ANKRD13A: variants seen among roughly 807,000 people sequenced by gnomAD.
ANKRD13A encodes ankyrin repeat domain 13A, also known as ankyrin repeat domain-containing protein 13A.
Under a neutral mutation model 81.3 loss-of-function variants are expected in ANKRD13A, and 48 were observed. The observed-to-expected ratio is 0.59, with a 90% CI of 0.47 to 0.75. The LOEUF (loss-of-function observed/expected upper bound fraction) is 0.75, where lower values mean the gene tolerates loss of function less well. Among genes scored for constraint, ANKRD13A ranks in the 30% least tolerant of loss-of-function variants. The pLI is 0.00. For missense variants in ANKRD13A, 612 were observed against 734.0 expected, an observed-to-expected ratio of 0.83 and a Z score of 1.92; for synonymous variants, 230 against 270.1, an observed-to-expected ratio of 0.85 and a Z score of 1.45.
intron 3 of ANKRD13A, among the ~76,000 whole-genome samples, chr12:110,014,789 CTTT>C (rs761398140): frequency 7.4e-6 from 1 of 135,700 alleles, no homozygotes; most frequent in Admixed American, 7.2e-5. Flanking sequence ...CATTTCTCTT[CTTT>C]TTTTTTTTTG....
chr12:110,007,648 G>A (rs1890307486), intron 1 of ANKRD13A, among the ~76,000 whole-genome samples: 2 of 152,160 alleles, frequency 1.3e-5, no homozygotes, highest in African/African-American at 2.4e-5. Context: ...CCCAAGTGCT[G>A]GGATTACAGG....
At chr12:110,001,395 C>G (rs1229716916) in intron 1 of ANKRD13A, among the ~76,000 whole-genome samples, 3 of 149,368 alleles carry the variant, frequency 2.0e-5, no homozygotes, top group African/African-American at 7.6e-5. Flanking sequence ...GTGGTTGAGC[C>G]CTCACCGAAG....
At chr12:110,007,098 G>A (rs1377492497) in intron 1 of ANKRD13A, among the ~76,000 whole-genome samples, 3 of 152,182 alleles carry the variant, frequency 2.0e-5, no homozygotes, top group African/African-American at 7.2e-5. Context: ...CTTGATTGCT[G>A]TAGCTTTGTG....
chr12:110,029,680 GT>G, intron 11 of ANKRD13A, 45 bp downstream of exon 11: 1 of 1,596,494 alleles, frequency 6.3e-7, no homozygotes, highest in Non-Finnish European at 8.6e-7. Context: ...TTCTGCCCAT[GT>G]TTGTGGGTGG....
In ANKRD13A at chr12:110,033,793, T is replaced by G. The variant is rs1475712099; in HGVS notation, c.1349-4T>G. The G allele has an allele frequency of 6.3e-7, 1 of 1,592,484 alleles. No homozygotes were observed. Among genetic ancestry groups the G allele is most frequent in the African/African-American group, 1.3e-5 (1 of 74,216 alleles). On this transcript the variant is annotated splice_region_variant and splice_polypyrimidine_tract_variant and intron_variant, in intron 12 of 14. Transcript: ENST00000261739. Reference sequence around the variant, plus strand: ...AGACACTGGACGGTTGCCTTTTGTTTCAGCTTCCCACATCACAAACTTTGA... The same window carrying G: ...AGACACTGGACGGTTGCCTTTTGTTGCAGCTTCCCACATCACAAACTTTGA...
At chr12:110,030,413 C>T (rs1446393216) in intron 11 of ANKRD13A, among the ~76,000 whole-genome samples, 2 of 152,032 alleles carry the variant, frequency 1.3e-5, no homozygotes, top group African/African-American at 4.8e-5. Context: ...GTGATCAGCT[C>T]GCCTTGGCCT....
intron 6 of ANKRD13A, among the ~76,000 whole-genome samples, chr12:110,019,833 A>C (rs1890986574): frequency 6.6e-6 from 1 of 152,192 alleles, no homozygotes; most frequent in Non-Finnish European, 1.5e-5. Context: ...TTAGAGCAAG[A>C]ATCTGGAGGG....
intron 13 of ANKRD13A, among the ~76,000 whole-genome samples, chr12:110,035,388 T>G (rs1180666232): frequency 1.3e-5 from 2 of 152,088 alleles, no homozygotes; most frequent in African/African-American, 4.8e-5. Flanking sequence ...GAGGACTGAT[T>G]GAGCCCAGGA....
At chr12:110,016,027 C>T (rs945949611) in intron 3 of ANKRD13A, among the ~76,000 whole-genome samples, 1 of 150,186 alleles carries the variant, frequency 6.7e-6, no homozygotes, top group Non-Finnish European at 1.5e-5. Flanking sequence ...TCTTGGCTCT[C>T]TGCAGCCTCC....
At position 110,033,846 on chromosome 12, in the gene ANKRD13A, C is replaced by T. The variant is rs746086710; in HGVS notation, c.1398C>T (p.Pro466=). Residue 466 remains proline, a synonymous_variant, in exon 13 of 15, where the codon CCC becomes CCT. Transcript: ENST00000261739. The part of the protein sequence containing the change: ...FEVDQSVFEI[P]ESYYVQDNGR... ...TTGATCAATCTGTGTTTGAAATTCCCGAATCTTACTATGTTCAAGACAATG... is the reference window on the plus strand; with the variant it reads ...TTGATCAATCTGTGTTTGAAATTCCTGAATCTTACTATGTTCAAGACAATG... The T allele has an allele frequency of 5.6e-6, 9 of 1,609,922 alleles. No individual in the cohort carries two copies. Among genetic ancestry groups the T allele is most frequent in the Admixed American group, 1.7e-5 (1 of 59,348 alleles).
intron 3 of ANKRD13A, 124 bp from the exon 4 acceptor site, chr12:110,016,264 T>C: frequency 1.4e-6 from 1 of 737,564 alleles, no homozygotes; most frequent in Non-Finnish European, 2.0e-6. Flanking sequence ...TTACATTTTA[T>C]TTCTTCTTAT....
rs1461617026 is a variant in ANKRD13A at position 110,039,327 on chromosome 12, A to T, written c.*1773A>T. On this transcript the variant is annotated 3_prime_UTR_variant, in exon 15 of 15. Coordinates refer to ENST00000261739, the MANE Select transcript of ANKRD13A (RefSeq NM_033121.2). ...TGACTTTCTCCCCAGGAATTCACTT[A>T]AAAAGGGACTGAGCATTGTGTCAAC... 6.6e-6 allele frequency: 1 copy of T among 152,212 alleles called. No individual in the cohort carries two copies. Among genetic ancestry groups the T allele is most frequent in the Non-Finnish European group, 1.5e-5 (1 of 68,032 alleles). The allele number at this position is 152,212 out of a possible 1,614,324, so 9.4% of individuals were successfully genotyped here. A position where few individuals can be genotyped will look rare whatever the true frequency, so the allele number is the denominator to read the frequency against.
At position 110,018,369 on chromosome 12, in the gene ANKRD13A, C is replaced by T; in HGVS notation, c.425C>T (p.Pro142Leu). 1.9e-6 allele frequency: 3 copies of T among 1,614,004 alleles called. No individual in the cohort carries two copies. The highest frequency in any genetic ancestry group is 2.5e-6 in the Non-Finnish European group (3 of 1,179,974). The change falls in exon 5 of 15, where the codon CCA (proline) becomes CTA (leucine). Residue 142 changes from proline (P) to leucine (L), a missense_variant. Coordinates refer to ENST00000261739, the MANE Select transcript of ANKRD13A (RefSeq NM_033121.2). This position sits in a 1 kb window ranked among gnomAD's most constrained non-coding sequence, Gnocchi z 4.4. ...GTGCCCTTGGTTTCTAGAATATGCC[C>T]AAATGATGTCTGTCGCATCTGGAAA... is the stretch of plus-strand genomic sequence containing the variant. The part of the protein sequence containing the change: ...SWVPLVSRIC[P>L]NDVCRIWKSG...
At chr12:110,021,516 A>G (rs1354075519) in intron 6 of ANKRD13A, 3 of 146,266 alleles carry the variant, frequency 2.1e-5, no homozygotes, top group African/African-American at 7.8e-5. Context: ...ACCTCCGCCT[A>G]CCGGGTTCAA....
chr12:110,004,622 ACT>A (rs1890151034), intron 1 of ANKRD13A, among the ~76,000 whole-genome samples: 1 of 151,998 alleles, frequency 6.6e-6, no homozygotes, highest in Non-Finnish European at 1.5e-5. Context: ...CAAGAGGGAG[ACT>A]CTGTCTCAAA....
In ANKRD13A at chr12:109,999,552, G is replaced by C; in HGVS notation, c.-137G>C. The stretch of plus-strand genomic sequence containing the variant: ...CCTCCCGCGCGCCCCGCACCCGACC[G>C]GCTCAGCCGGCCGGCAGCGTAACAC... On this transcript the variant is annotated 5_prime_UTR_variant, in exon 1 of 15. Coordinates refer to ENST00000261739, the MANE Select transcript of ANKRD13A (RefSeq NM_033121.2). This position sits in a 1 kb window ranked among gnomAD's most constrained non-coding sequence, Gnocchi z 4.3. 1.7e-6 allele frequency: 1 copy of C among 588,474 alleles called. No homozygotes were observed. Among genetic ancestry groups the C allele is most frequent in the Non-Finnish European group, 2.5e-6 (1 of 402,534 alleles). 36.5% of individuals were successfully genotyped at this position (588,474 alleles called of 1,614,324 possible).
In ANKRD13A at chr12:110,036,227, A is replaced by C; in HGVS notation, c.1510-34A>C. On this transcript the variant is annotated intron_variant, in intron 13 of 14. Coordinates refer to ENST00000261739, the MANE Select transcript of ANKRD13A (RefSeq NM_033121.2). The surrounding 1 kb of genome is among the most constrained non-coding windows in gnomAD (Gnocchi z 4.6). The stretch of plus-strand genomic sequence containing the variant: ...CAGAATGGCACCAATTTCTCCTAAG[A>C]CGTATTCATGTCTATCACATTTGTC... 1 of 1,599,688 alleles carries C rather than the reference A, an allele frequency of 6.3e-7. No individual in the cohort carries two copies. The highest frequency in any genetic ancestry group is 8.6e-7 in the Non-Finnish European group (1 of 1,167,084).
chr12:110,029,513 C>T lies in ANKRD13A; in HGVS notation c.1112C>T (p.Pro371Leu), dbSNP rs765416553. ...ATGTTGTGGATGTGTGAAGAGTTTC[C>T]CCTCTCTCTGGTGGAGCAGGTCATT... is the stretch of plus-strand genomic sequence containing the variant. ...KAMLWMCEEFPLSLVEQVIPI... is the reference protein window; with the variant it reads ...KAMLWMCEEFLLSLVEQVIPI... Residue 371 changes from proline (P) to leucine (L), a missense_variant, in exon 11 of 15, where the codon CCC (proline) becomes CTC (leucine). By Grantham distance (98) the Pro-to-Leu change is moderately conservative. Transcript: ENST00000261739. 3 of 1,613,692 alleles carry T rather than the reference C, an allele frequency of 1.9e-6. No homozygotes were observed. The Admixed American group carries it at 5.0e-5, about 27-fold the overall frequency.
chr12:110,033,614 AAG>A (rs1269129796), intron 12 of ANKRD13A, among the ~76,000 whole-genome samples, 181 bp from the exon 13 acceptor site: 1 of 152,064 alleles, frequency 6.6e-6, no homozygotes, highest in African/African-American at 2.4e-5. Context: ...ATCAAGGAAA[AAG>A]AAAAAAGCTG....
Sources: gnomAD v4.1 joint callset for allele counts (sites outside exome capture counted in the v4.1 genomes callset) on GRCh38, gnomAD v4.1.1 for gene constraint, Gnocchi (gnomAD v3.1) non-coding constraint, MANE v1.5 for transcripts, NCBI Gene and HGNC (gene_info 2026-07-23, HGNC 2026-07-21) for gene names.